CDHR5: variants seen among roughly 807,000 people sequenced by gnomAD.
The protein encoded by CDHR5 is cadherin-related family member 5.
In CDHR5, 82 loss-of-function variants were observed where a neutral mutation model predicts 69.5. The ratio of observed to expected loss-of-function variants is 1.18; its 90% CI spans 0.99 to 1.42. CDHR5 has a LOEUF of 1.42. Ranked by LOEUF, CDHR5 falls within the 40% of genes most tolerant of loss-of-function variation. The pLI is 0.00. For missense variants in CDHR5, 1,293 were observed against 1,168.9 expected, an observed-to-expected ratio of 1.11 and a Z score of -1.55; for synonymous variants, 601 against 510.2, an observed-to-expected ratio of 1.18 and a Z score of -2.40.
In CDHR5 at chr11:619,802, C is replaced by T. The variant is rs925730542; in HGVS notation, c.1058G>A (p.Arg353His). 72 of 1,599,530 alleles carry T rather than the reference C, an allele frequency of 4.5e-5. No homozygotes were observed. Among genetic ancestry groups the T allele is most frequent in the Non-Finnish European group, 5.4e-5 (63 of 1,175,962 alleles). ...GCCACGATACAGTCTCTGGGGGAAGCGGGGCGGGCTCCCGGCCGCAGCCAC... is the reference window on the plus strand; with the variant it reads ...GCCACGATACAGTCTCTGGGGGAAGTGGGGCGGGCTCCCGGCCGCAGCCAC... ...EAVAAAGSPPRFPQRLYRGTV... is the reference protein window; with the variant it reads ...EAVAAAGSPPHFPQRLYRGTV... Residue 353 changes from arginine (R) to histidine (H), a missense_variant, in exon 10 of 15, where the codon CGC (arginine) becomes CAC (histidine). Arg to His is a conservative substitution (Grantham distance 29). Transcript: ENST00000397542.
rs1294655992 is a variant in CDHR5, at chr11:618,900, G to A, written c.1659C>T (p.Pro553=). ...PKPGTSQPMP[P]GVGTSTSHQP... Reference sequence around the variant, plus strand: ...GGTGGGAGGTGCTGGTTCCCACACCGGGGGGCATCGGCTGAGAGGTTCCTG... The same window carrying A: ...GGTGGGAGGTGCTGGTTCCCACACCAGGGGGCATCGGCTGAGAGGTTCCTG... Residue 553 remains proline (P), a synonymous_variant, in exon 13 of 15, where the codon CCC becomes CCT. Coordinates refer to ENST00000397542, the MANE Select transcript of CDHR5 (RefSeq NM_021924.5). The A allele has an allele frequency of 5.0e-6, 8 of 1,608,468 alleles. No homozygotes were observed. The highest frequency in any genetic ancestry group is 3.3e-5 in the Admixed American group (2 of 59,706).
At position 621,106 on chromosome 11, in the gene CDHR5, C is replaced by G; in HGVS notation, c.763G>C (p.Gly255Arg). Reference protein sequence around the residue: ...GYVCIQAQYHGAVPTGHILPS... With the variant: ...GYVCIQAQYHRAVPTGHILPS... ...AGTATGTGCCCCGTGGGGACAGCCC[C>G]GTGGTACTGAGCTTGAATGCAGACG... is the stretch of plus-strand genomic sequence containing the variant. The change falls in exon 7 of 15, where the codon GGG becomes CGG. Residue 255 changes from glycine to arginine, a missense_variant. Transcript: ENST00000397542. The surrounding 1 kb of genome is among the most constrained non-coding windows in gnomAD (Gnocchi z 4.4). 6.4e-7 allele frequency: 1 copy of G among 1,564,796 alleles called. No homozygotes were observed. The highest frequency in any genetic ancestry group is 1.2e-5 in the South Asian group (1 of 83,276).
Position 621,586 on chromosome 11 carries a change from G to A in CDHR5, c.483C>T (p.Phe161=), listed in dbSNP as rs61732110. ...CTGCTGTCATTTCCTGGAGGGTGTAGAACAGAATGTCGTCCTTGTCGCGGT... is the reference window on the plus strand; with the variant it reads ...CTGCTGTCATTTCCTGGAGGGTGTAAAACAGAATGTCGTCCTTGTCGCGGT... ...AEDRDKDDIL[F]YTLQEMTAGA... is the part of the protein sequence containing the mutation. Residue 161 remains phenylalanine (F), a synonymous_variant, in exon 5 of 15, where the codon TTC becomes TTT. Transcript: ENST00000397542. The surrounding 1 kb of genome is among the most constrained non-coding windows in gnomAD (Gnocchi z 4.4). The A allele has an allele frequency of 2.4e-4, 382 of 1,613,698 alleles. 1 individual carries two copies. In the African/African-American group the frequency reaches 4.3e-3, roughly 18 times the overall value.
At chr11:619,435 C>A (rs1179594950) in intron 11 of CDHR5, 39 bp downstream of exon 11, 2 of 1,606,980 alleles carry the variant, frequency 1.2e-6, no homozygotes, top group Admixed American at 1.7e-5. Flanking sequence ...ATCTTTAAGC[C>A]CCACACCCTT....
chr11:617,683 G>A lies in CDHR5; in HGVS notation c.2206C>T (p.Pro736Ser), dbSNP rs1202707016. The A allele has an allele frequency of 1.4e-6, 2 of 1,478,086 alleles. No individual in the cohort carries two copies. Among genetic ancestry groups the A allele is most frequent in the East Asian group, 2.4e-5 (1 of 40,940 alleles). 91.6% of individuals were successfully genotyped at this position (1,478,086 alleles called of 1,614,324 possible). Residue 736 changes from proline (P) to serine (S), a missense_variant, in exon 15 of 15, where the codon CCC (proline) becomes TCC (serine). Physicochemically the swap from Pro to Ser is moderately conservative, Grantham distance 74. Transcript: ENST00000397542. ...WAPVPSPTHD[P>S]KPAEAPMPAE... ...GGCATCGGTGCCTCCGCGGGCTTGG[G>A]GTCGTGCGTGGGGCTGGGGACGGGC...
chr11:624,725 A>C lies in CDHR5; in HGVS notation c.93T>G (p.Ser31=). 3 of 1,607,886 alleles carry C rather than the reference A, an allele frequency of 1.9e-6. No homozygotes were observed. The African/African-American group carries it at 4.0e-5, about 21-fold the overall frequency. The stretch of plus-strand genomic sequence containing the variant: ...CTACTTCAAAGATGTCCTTGTTCAC[A>C]GAGCAGTCTGTAAGGTTGCAGAGGA... ...PGTMAQAQYC[S]VNKDIFEVEE... The change falls in exon 2 of 15, where the codon TCT becomes TCG. Residue 31 remains serine, a synonymous_variant. Coordinates refer to ENST00000397542, the MANE Select transcript of CDHR5 (RefSeq NM_021924.5). The surrounding 1 kb of genome is among the most constrained non-coding windows in gnomAD (Gnocchi z 5.3).
In CDHR5 at chr11:617,954, C is replaced by T. The variant is rs763435731; in HGVS notation, c.2118G>A (p.Pro706=). The change falls in exon 14 of 15, where the codon CCG becomes CCA. Residue 706 remains proline, a splice_region_variant and synonymous_variant. Transcript: ENST00000397542. ...PRLKCCCGKA[P]EPQPQGFDNQ... The stretch of plus-strand genomic sequence containing the variant: ...CCCTGTTCTCCATCCTGGGCCTCAC[C>T]GGAGCTTTGCCACAGCAGCACTTGA... The T allele has an allele frequency of 7.5e-6, 12 of 1,610,346 alleles. No homozygotes were observed. The highest frequency in any genetic ancestry group is 4.5e-5 in the East Asian group (2 of 44,848).
chr11:621,347 G>C lies in CDHR5; in HGVS notation c.616C>G (p.Arg206Gly). Residue 206 changes from arginine to glycine, a missense_variant and splice_region_variant, in exon 6 of 15, where the codon CGG becomes GGG. Physicochemically the swap from Arg to Gly is moderately radical, Grantham distance 125. Coordinates refer to ENST00000397542, the MANE Select transcript of CDHR5 (RefSeq NM_021924.5). This position sits in a 1 kb window ranked among gnomAD's most constrained non-coding sequence, Gnocchi z 4.4. ...CGGGGCTGGGGTGACCTGCTCACCC[G>C]CACCAGCAGCCAGAAGGTCATGTTC... Reference protein sequence around the residue: ...RPNMTFWLLVRDTPGENVEPS... With the variant: ...RPNMTFWLLVGDTPGENVEPS... 2.5e-6 allele frequency: 4 copies of C among 1,612,580 alleles called. No individual in the cohort carries two copies. The highest frequency in any genetic ancestry group is 3.4e-6 in the Non-Finnish European group (4 of 1,179,500).
At position 621,053 on chromosome 11, in the gene CDHR5, C is replaced by T. The variant is rs770100017; in HGVS notation, c.789+27G>A. On this transcript the variant is annotated intron_variant, in intron 7 of 14. Transcript: ENST00000397542. This position sits in a 1 kb window ranked among gnomAD's most constrained non-coding sequence, Gnocchi z 4.4. ...CCAGCCTGCCTAGAAGGCCCTGCCC[C>T]GTGCACTGCCCCTCCCTCCCCATTA... 26 of 1,506,808 alleles carry T rather than the reference C, an allele frequency of 1.7e-5. No homozygotes were observed. The highest frequency in any genetic ancestry group is 1.8e-4 in the Middle Eastern group (1 of 5,598). The allele number at this position is 1,506,808 out of a possible 1,614,324, so 93.3% of individuals were successfully genotyped here.
chr11:624,644 C>T lies in CDHR5; in HGVS notation c.174G>A (p.Gln58=). 6.2e-7 allele frequency: 1 copy of T among 1,613,634 alleles called. No individual in the cohort carries two copies. Among genetic ancestry groups the T allele is most frequent in the African/African-American group, 1.3e-5 (1 of 75,052 alleles). ...PLVDIHVPEG[Q]EVTLGALSTP... Reference sequence around the variant, plus strand: ...TGGACAAGGCTCCGAGGGTCACCTCCTGGCCCTCCGGGACGTGGATGTCCA... The same window carrying T: ...TGGACAAGGCTCCGAGGGTCACCTCTTGGCCCTCCGGGACGTGGATGTCCA... The change falls in exon 2 of 15, where the codon CAG becomes CAA. Residue 58 remains glutamine, a synonymous_variant. Coordinates refer to ENST00000397542, the MANE Select transcript of CDHR5 (RefSeq NM_021924.5). The surrounding 1 kb of genome is among the most constrained non-coding windows in gnomAD (Gnocchi z 5.3).
rs1857614604 is a variant in CDHR5 at position 624,626 on chromosome 11, G to A, written c.192C>T (p.Ala64=). 6.2e-7 allele frequency: 1 copy of A among 1,613,002 alleles called. No homozygotes were observed. The highest frequency in any genetic ancestry group is 1.3e-5 in the African/African-American group (1 of 74,912). The part of the protein sequence containing the change: ...VPEGQEVTLG[A]LSTPFAFRIQ... ...TCCGAAATGCAAAGGGGGTGGACAA[G>A]GCTCCGAGGGTCACCTCCTGGCCCT... is the stretch of plus-strand genomic sequence containing the variant. The change falls in exon 2 of 15, where the codon GCC becomes GCT. Residue 64 remains alanine (A), a synonymous_variant. Transcript: ENST00000397542. This position sits in a 1 kb window ranked among gnomAD's most constrained non-coding sequence, Gnocchi z 5.3.
Position 619,696 on chromosome 11 carries a change from C to T in CDHR5, c.1164G>A (p.Gln388=), listed in dbSNP as rs1000228694. The change falls in exon 10 of 15, where the codon CAG becomes CAA. Residue 388 remains glutamine, a synonymous_variant. Coordinates refer to ENST00000397542, the MANE Select transcript of CDHR5 (RefSeq NM_021924.5). The stretch of plus-strand genomic sequence containing the variant: ...CACTCTCTACCGAGAACTCCGGGTC[C>T]TGAGCCTGGATCCTCAGAGGCTGAG... ...APSQPLRIQA[Q]DPEFSDLNSA... The T allele has an allele frequency of 6.2e-7, 1 of 1,613,364 alleles. No individual in the cohort carries two copies. The highest frequency in any genetic ancestry group is 1.3e-5 in the African/African-American group (1 of 75,070).
At position 620,677 on chromosome 11, in the gene CDHR5, G is replaced by C. The variant is rs369050248; in HGVS notation, c.790-291C>G. On this transcript the variant is annotated intron_variant, in intron 7 of 14. Transcript: ENST00000397542. ...AACATTTAGGAAGTGGGGGCTCCCG[G>C]GGTCTGCATTTCTGCCTCCCATGTA... Among the ~76,000 whole-genome samples, 15 of 152,312 alleles carry C rather than the reference G, an allele frequency of 9.8e-5. No homozygotes were observed. The East Asian group carries it at 2.5e-3, about 25-fold the overall frequency.
intron 3 of CDHR5, among the ~76,000 whole-genome samples, chr11:622,986 CT>C (rs1857509161): frequency 1.3e-5 from 2 of 151,966 alleles, no homozygotes; most frequent in African/African-American, 2.4e-5. Context: ...TTTCTCCCAT[CT>C]TTTTTCCTGG....
At position 618,087 on chromosome 11, in the gene CDHR5, C is replaced by A. The variant is rs374450293; in HGVS notation, c.1985G>T (p.Arg662Leu). The change falls in exon 14 of 15, where the codon CGC (arginine) becomes CTC (leucine). Residue 662 changes from arginine to leucine, a missense_variant. By Grantham distance (102) the Arg-to-Leu change is moderately radical (BLOSUM62 -2). Coordinates refer to ENST00000397542, the MANE Select transcript of CDHR5 (RefSeq NM_021924.5). ...SSGGGPSEDK[R>L]FSVVDMAALG... ...GGCCGCCATATCCACCACCGAGAAG[C>A]GCTTGTCCTCCGAGGGGCCGCCACC... 43 of 1,610,832 alleles carry A rather than the reference C, an allele frequency of 2.7e-5. No individual in the cohort carries two copies. The highest frequency in any genetic ancestry group is 1.6e-4 in the Middle Eastern group (1 of 6,068).
rs1279971624 is a variant in CDHR5 at position 618,751 on chromosome 11, T to C, written c.1808A>G (p.Gln603Arg). The change falls in exon 13 of 15, where the codon CAG becomes CGG. Residue 603 changes from glutamine (Q) to arginine (R), a missense_variant. Transcript: ENST00000397542. ...CTGAGAGGTTCCTGCCTCTGGGGTC[T>C]GTGCTGTGCCCCCACCGGGTGTGGC... ...QPATPGGGTA[Q>R]TPEAGTSQPM... 6.2e-7 allele frequency: 1 copy of C among 1,605,144 alleles called. No individual in the cohort carries two copies. The highest frequency in any genetic ancestry group is 1.1e-5 in the South Asian group (1 of 90,512).
At chr11:618,293 C>T (rs1191823679) in intron 13 of CDHR5, among the ~76,000 whole-genome samples, 182 bp from the exon 14 acceptor site, 1 of 152,218 alleles carries the variant, frequency 6.6e-6, no homozygotes, top group Non-Finnish European at 1.5e-5. Context: ...ACCCTGCCCA[C>T]CCCCTCCCCC....
rs771510270 is a variant in CDHR5, at chr11:621,921, T to TCAGCCTCTCCCA, written c.313-29_313-18dup. 13 of 1,601,786 alleles carry TCAGCCTCTCCCA rather than the reference T, an allele frequency of 8.1e-6. No individual in the cohort carries two copies. In the South Asian group the frequency reaches 1.4e-4, roughly 18 times the overall value. On this transcript the variant is annotated splice_polypyrimidine_tract_variant and intron_variant, in intron 3 of 14. Coordinates refer to ENST00000397542, the MANE Select transcript of CDHR5 (RefSeq NM_021924.5). This position sits in a 1 kb window ranked among gnomAD's most constrained non-coding sequence, Gnocchi z 4.4. ...CTGGGTCACCTGCAGGATGTGGCCG[T>TCAGCCTCTCCCA]CAGCCTCTCCCACAGCCCCTCCCCG...
At position 624,194 on chromosome 11, in the gene CDHR5, G is replaced by A. The variant is rs368818344; in HGVS notation, c.312+19C>T. The A allele has an allele frequency of 1.3e-6, 1 of 751,070 alleles. No individual in the cohort carries two copies. Among genetic ancestry groups the A allele is most frequent in the Admixed American group, 1.8e-5 (1 of 55,288 alleles). The allele number at this position is 751,070 out of a possible 1,614,324, so 46.5% of individuals were successfully genotyped here. A position where few individuals can be genotyped will look rare whatever the true frequency, so the allele number is the denominator to read the frequency against. On this transcript the variant is annotated intron_variant, in intron 3 of 14. Coordinates refer to ENST00000397542, the MANE Select transcript of CDHR5 (RefSeq NM_021924.5). This position sits in a 1 kb window ranked among gnomAD's most constrained non-coding sequence, Gnocchi z 5.3. ...CAGAGGTGGCCGGGTGGGGCGGGGA[G>A]AGCGGGGCGGGGACTCACCAATGTG... is the stretch of plus-strand genomic sequence containing the variant.
Sources: gnomAD v4.1 joint callset for allele counts (sites outside exome capture counted in the v4.1 genomes callset) on GRCh38, gnomAD v4.1.1 for gene constraint, Gnocchi (gnomAD v3.1) non-coding constraint, MANE v1.5 for transcripts, NCBI Gene and HGNC (gene_info 2026-07-23, HGNC 2026-07-21) for gene names.